KIF22: variants seen among roughly 807,000 people sequenced by gnomAD.
The protein encoded by KIF22 is kinesin-like protein KIF22.
KIF22 carries 62 observed loss-of-function variants against 73.0 expected under a neutral mutation model. The observed-to-expected ratio is 0.85, with a 90% CI of 0.69 to 1.05. KIF22 has a LOEUF of 1.05. Among genes scored for constraint, KIF22 ranks in the 50% least tolerant of loss-of-function variants. The probability of loss-of-function intolerance (pLI) is 0.00; values close to 1 mark genes in which losing one functional copy is unlikely to be tolerated. For missense variants in KIF22, 854 were observed against 870.1 expected (o/e 0.98, Z 0.23); for synonymous variants, 411 against 340.1 (o/e 1.21, Z -2.29).
At chr16:29,796,011 C>T (rs1460339077) in intron 1 of KIF22, among the ~76,000 whole-genome samples, 1 of 152,008 alleles carries the variant, frequency 6.6e-6, no homozygotes, top group Non-Finnish European at 1.5e-5. Context: ...TGGCTCACAC[C>T]TATAATCCTA....
chr16:29,797,658 A>T lies in KIF22; in HGVS notation c.266+570A>T, dbSNP rs969961517. ...AGCTGCTTTCTGACTACAGTGGCAG[A>T]GTTGAGTAGTTGTAAAAGGAACACA... On this transcript the variant is annotated intron_variant, in intron 2 of 13. Coordinates refer to ENST00000160827, the MANE Select transcript of KIF22 (RefSeq NM_007317.3). This position sits in a 1 kb window ranked among gnomAD's most constrained non-coding sequence, Gnocchi z 4.1. Among the ~76,000 whole-genome samples, 5 of 152,188 alleles carry T rather than the reference A, an allele frequency of 3.3e-5. No individual in the cohort carries two copies. Among genetic ancestry groups the T allele is most frequent in the African/African-American group, 1.2e-4 (5 of 41,428 alleles).
rs763790323 is a variant in KIF22, at chr16:29,798,370, G to A, written c.267-4G>A. ...CACGCTAATTTCTTTCTTTCTTCCT[G>A]CAGGTTTGATGCCTTCTATGGGGAG... On this transcript the variant is annotated splice_polypyrimidine_tract_variant and splice_region_variant and intron_variant, in intron 2 of 13. Transcript: ENST00000160827. The surrounding 1 kb of genome is among the most constrained non-coding windows in gnomAD (Gnocchi z 4.1). 1.3e-6 allele frequency: 2 copies of A among 1,500,948 alleles called. No homozygotes were observed. Among genetic ancestry groups the A allele is most frequent in the African/African-American group, 3.0e-5 (2 of 65,804 alleles). 93.0% of individuals were successfully genotyped at this position (1,500,948 alleles called of 1,614,324 possible).
At chr16:29,792,554 G>C in intron 1 of KIF22, 1 of 226,688 alleles carries the variant, frequency 4.4e-6, no homozygotes, top group Non-Finnish European at 7.3e-6. Context: ...TGGCAGTCAG[G>C]TGGAGAAAGT....
chr16:29,804,791 A>G, intron 11 of KIF22, 23 bp from the exon 12 acceptor site: 2 of 1,573,288 alleles, frequency 1.3e-6, no homozygotes, highest in Non-Finnish European at 1.7e-6. Context: ...CCTGCGTGTC[A>G]CTCATCTCCC....
At chr16:29,804,157 C>T in intron 11 of KIF22, 92 bp downstream of exon 11, 2 of 1,018,198 alleles carry the variant, frequency 2.0e-6, no homozygotes, top group Non-Finnish European at 3.1e-6. Context: ...TGGGGTTAAA[C>T]GAACTGGATG....
chr16:29,801,418 CA>C (rs1237271879), intron 8 of KIF22, among the ~76,000 whole-genome samples: 2 of 152,182 alleles, frequency 1.3e-5, no homozygotes, highest in African/African-American at 4.8e-5. Flanking sequence ...CACTCTGTCC[CA>C]GGGGGCTACT....
chr16:29,795,728 CTTCA>C (rs201727006), intron 1 of KIF22, among the ~76,000 whole-genome samples: 2,855 of 152,166 alleles, frequency 0.019, 33 homozygotes, highest in South Asian at 0.047. Context: ...TAAGTTTTAT[CTTCA>C]TTGTGTTTTC....
At position 29,803,350 on chromosome 16, in the gene KIF22, T is replaced by G. The variant is rs533205143; in HGVS notation, c.1450-99T>G. 1.2e-4 allele frequency: 172 copies of G among 1,445,008 alleles called. 1 individual carries two copies. The African/African-American group carries it at 1.9e-3, about 16-fold the overall frequency. The allele number at this position is 1,445,008 out of a possible 1,614,324, so 89.5% of individuals were successfully genotyped here. ...TCCCACTGGTCCTAGCCCTGCCCTC[T>G]GGGGGCTCAGAGCCTTGCATACTCA... On this transcript the variant is annotated intron_variant, in intron 9 of 13. Coordinates refer to ENST00000160827, the MANE Select transcript of KIF22 (RefSeq NM_007317.3).
intron 1 of KIF22, 118 bp downstream of exon 1, chr16:29,790,947 G>C (rs987562059): frequency 6.0e-6 from 9 of 1,512,292 alleles, no homozygotes; most frequent in Middle Eastern, 2.2e-4. Context: ...ATGGCGCAGG[G>C]GCGGGGAGAG....
In KIF22 at chr16:29,798,371, C is replaced by A; in HGVS notation, c.267-3C>A. 1 of 1,365,962 alleles carries A rather than the reference C, an allele frequency of 7.3e-7. No individual in the cohort carries two copies. The highest frequency in any genetic ancestry group is 2.3e-4 in the Middle Eastern group (1 of 4,376). 84.6% of individuals were successfully genotyped at this position (1,365,962 alleles called of 1,614,324 possible). ...ACGCTAATTTCTTTCTTTCTTCCTG[C>A]AGGTTTGATGCCTTCTATGGGGAGA... On this transcript the variant is annotated splice_polypyrimidine_tract_variant and splice_region_variant and intron_variant, in intron 2 of 13. Coordinates refer to ENST00000160827, the MANE Select transcript of KIF22 (RefSeq NM_007317.3). This position sits in a 1 kb window ranked among gnomAD's most constrained non-coding sequence, Gnocchi z 4.1.
intron 1 of KIF22, among the ~76,000 whole-genome samples, 194 bp from the exon 2 acceptor site, chr16:29,796,699 G>C (rs1898960669): frequency 6.6e-6 from 1 of 152,100 alleles, no homozygotes; most frequent in African/African-American, 2.4e-5. Context: ...TGAGAAGCCT[G>C]CTATACACCT....
intron 11 of KIF22, chr16:29,804,587 G>A (rs1307886272): frequency 1.4e-6 from 1 of 692,034 alleles, no homozygotes. Context: ...AACTCCATGA[G>A]AAGGGTGCTA....
At chr16:29,791,910 C>G (rs1424167575) in intron 1 of KIF22, among the ~76,000 whole-genome samples, 1 of 152,160 alleles carries the variant, frequency 6.6e-6, no homozygotes, top group Admixed American at 6.6e-5. Flanking sequence ...ATGAAAATGC[C>G]TGAATGAATA....
rs750629423 is a variant in KIF22 at position 29,803,460 on chromosome 16, G to A, written c.1461G>A (p.Thr487=). 23 of 1,614,006 alleles carry A rather than the reference G, an allele frequency of 1.4e-5. No homozygotes were observed. Among genetic ancestry groups the A allele is most frequent in the Admixed American group, 3.3e-5 (2 of 59,990 alleles). ...ATCCTTTCCAACAGAGGCTTAAGAC[G>A]AAGCAAAAAGAACTGGAGGCCAAGA... is the stretch of plus-strand genomic sequence containing the variant. ...EKDLEIERLK[T]KQKELEAKML... is the part of the protein sequence containing the mutation. Residue 487 remains threonine, a synonymous_variant, in exon 10 of 14, where the codon ACG becomes ACA. Coordinates refer to ENST00000160827, the MANE Select transcript of KIF22 (RefSeq NM_007317.3).
At chr16:29,791,899 T>A (rs1898828719) in intron 1 of KIF22, among the ~76,000 whole-genome samples, 1 of 152,148 alleles carries the variant, frequency 6.6e-6, no homozygotes, top group Non-Finnish European at 1.5e-5. Context: ...GCATGGTAGA[T>A]ATGAAAATGC....
chr16:29,795,922 G>T (rs972773235), intron 1 of KIF22, among the ~76,000 whole-genome samples: 5 of 152,004 alleles, frequency 3.3e-5, no homozygotes, highest in Admixed American at 6.6e-5. Context: ...TGCAGGGGTG[G>T]GTGGGTCTGT....
At chr16:29,799,812 G>A (rs760492631) in intron 7 of KIF22, 31 bp downstream of exon 7, 31 of 1,613,336 alleles carry the variant, frequency 1.9e-5, no homozygotes, top group Middle Eastern at 1.6e-4. Context: ...GAGTGGAAAC[G>A]CTGGGTCTGG....
chr16:29,805,112 C>T lies in KIF22; in HGVS notation c.1891-3C>T. The stretch of plus-strand genomic sequence containing the variant: ...CTGTCCCCTATCGATCCTGTCCCGC[C>T]AGGTGGAGGACCTGGAACGCGTGGA... On this transcript the variant is annotated splice_polypyrimidine_tract_variant and splice_region_variant and intron_variant, in intron 12 of 13. Coordinates refer to ENST00000160827, the MANE Select transcript of KIF22 (RefSeq NM_007317.3). The T allele has an allele frequency of 6.2e-7, 1 of 1,613,810 alleles. No homozygotes were observed. The highest frequency in any genetic ancestry group is 8.5e-7 in the Non-Finnish European group (1 of 1,180,018).
Position 29,804,892 on chromosome 16 carries a change from G to A in KIF22, c.1756G>A (p.Ala586Thr), listed in dbSNP as rs777613226. 3 of 1,613,956 alleles carry A rather than the reference G, an allele frequency of 1.9e-6. No individual in the cohort carries two copies. Among genetic ancestry groups the A allele is most frequent in the Non-Finnish European group, 2.5e-6 (3 of 1,180,002 alleles). The change falls in exon 12 of 14, where the codon GCT (alanine) becomes ACT (threonine). Residue 586 changes from alanine (A) to threonine (T), a missense_variant. By Grantham distance (58) the Ala-to-Thr change is moderately conservative. This residue lies in a region of KIF22 where 423 missense variants were observed against 365.4 expected (regional missense o/e 1.16). Coordinates refer to ENST00000160827, the MANE Select transcript of KIF22 (RefSeq NM_007317.3). ...WELQISPELLAHGRQKILDLL... is the reference protein window; with the variant it reads ...WELQISPELLTHGRQKILDLL... Reference sequence around the variant, plus strand: ...GCTACAGATCAGCCCGGAGCTACTGGCTCATGGGCGCCAAAAAATACTGGA... The same window carrying A: ...GCTACAGATCAGCCCGGAGCTACTGACTCATGGGCGCCAAAAAATACTGGA...
Sources: allele counts gnomAD v4.1 joint callset (sites outside exome capture counted in the v4.1 genomes callset), GRCh38; gene constraint gnomAD v4.1.1; regional missense constraint gnomAD v4.1.1; non-coding constraint Gnocchi (gnomAD v3.1); transcripts MANE v1.5; gene names NCBI Gene and HGNC (gene_info 2026-07-23, HGNC 2026-07-21).